FAM241A: variants seen among roughly 807,000 people sequenced by gnomAD.
FAM241A encodes the protein uncharacterized protein FAM241A.
FAM241A carries 7 observed loss-of-function variants against 12.2 expected under a neutral mutation model. The ratio of observed to expected loss-of-function variants is 0.58; its 90% confidence interval spans 0.33 to 1.08. The LOEUF is 1.08. FAM241A is among the 50% of genes least tolerant of loss of function. The pLI is 0.04. For missense variants in FAM241A, 161 were observed against 169.7 expected (o/e 0.95, Z 0.29); for synonymous variants, 74 against 68.2 (o/e 1.08, Z -0.42).
rs2110438124 is a variant in FAM241A at position 112,189,576 on chromosome 4, AG to A, written c.*2639del. ...TCTACAAATAAACAGACTGTAGATG[AG>A]TAAATCCATTTTTCTTAAAGTAAAA... On this transcript the variant is annotated 3_prime_UTR_variant, in exon 2 of 2. Transcript: ENST00000309733. 1 of 152,298 alleles carries A rather than the reference AG, an allele frequency of 6.6e-6. No homozygotes were observed. The highest frequency in any genetic ancestry group is 1.9e-4 in the East Asian group (1 of 5,190). The allele number at this position is 152,298 out of a possible 1,614,324, so 9.4% of individuals were successfully genotyped here.
intron 1 of FAM241A, among the ~76,000 whole-genome samples, chr4:112,183,022 C>T (rs1357935199): frequency 6.6e-6 from 1 of 151,012 alleles, no homozygotes; most frequent in Non-Finnish European, 1.5e-5. Flanking sequence ...AAATGTCTTC[C>T]TTTAGGGTTG....
At chr4:112,166,345 TTTTTTTAAATG>T (rs1224329948) in intron 1 of FAM241A, among the ~76,000 whole-genome samples, 1 of 151,928 alleles carries the variant, frequency 6.6e-6, no homozygotes, top group Non-Finnish European at 1.5e-5. Context: ...GCTGGGAAAA[TTTTTTTAAATG>T]TTTTTTAAAA....
intron 1 of FAM241A, among the ~76,000 whole-genome samples, chr4:112,179,943 A>ATGTGTGTGTG (rs35177969): frequency 7.7e-6 from 1 of 129,514 alleles, no homozygotes; most frequent in Non-Finnish European, 1.6e-5. Flanking sequence ...ATATATGTAT[A>ATGTGTGTGTG]TGTGTGTGTG....
At chr4:112,151,253 T>G (rs943619655) in intron 1 of FAM241A, among the ~76,000 whole-genome samples, 1 of 152,110 alleles carries the variant, frequency 6.6e-6, no homozygotes, top group Non-Finnish European at 1.5e-5. Context: ...CTCTCTCTCC[T>G]TCCCTCCCTC....
intron 1 of FAM241A, among the ~76,000 whole-genome samples, chr4:112,152,705 A>C (rs1322962557): frequency 6.6e-6 from 1 of 151,580 alleles, no homozygotes; most frequent in Non-Finnish European, 1.5e-5. Flanking sequence ...ATCTTCCCCT[A>C]CCTCTTCCAC....
intron 1 of FAM241A, among the ~76,000 whole-genome samples, chr4:112,160,091 C>G (rs1437337930): frequency 6.6e-6 from 1 of 152,072 alleles, no homozygotes; most frequent in African/African-American, 2.4e-5. Context: ...TAATACAAAA[C>G]CAACACACAA....
chr4:112,147,122 T>G (rs1045073424), intron 1 of FAM241A, among the ~76,000 whole-genome samples: 3 of 152,378 alleles, frequency 2.0e-5, no homozygotes, highest in Admixed American at 1.3e-4. Flanking sequence ...TTCTGTGTAC[T>G]TCATTAGTAT....
Position 112,192,651 on chromosome 4 carries a change from C to T in FAM241A, c.*5713C>T, listed in dbSNP as rs546182937. The T allele has an allele frequency of 4.0e-4, 60 of 151,658 alleles. No homozygotes were observed. Among genetic ancestry groups the T allele is most frequent in the African/African-American group, 1.3e-3 (53 of 41,218 alleles). The allele number at this position is 151,658 out of a possible 1,614,324, so 9.4% of individuals were successfully genotyped here. On this transcript the variant is annotated 3_prime_UTR_variant, in exon 2 of 2. Transcript: ENST00000309733. ...TGAGAATGATGATTTCCAATTTCAT[C>T]CATGTCCCTACAAAGGACATGAACT...
intron 1 of FAM241A, among the ~76,000 whole-genome samples, chr4:112,175,418 A>G (rs1180671344): frequency 6.6e-6 from 1 of 152,166 alleles, no homozygotes; most frequent in African/African-American, 2.4e-5. Flanking sequence ...TTGCAGTAAA[A>G]GTCTTGGCTA....
chr4:112,166,059 T>G (rs1723588425), intron 1 of FAM241A, among the ~76,000 whole-genome samples: 1 of 151,162 alleles, frequency 6.6e-6, no homozygotes, highest in Non-Finnish European at 1.5e-5. Flanking sequence ...TTTTTTTTTT[T>G]TTTTTGAGAC....
intron 1 of FAM241A, among the ~76,000 whole-genome samples, chr4:112,180,293 C>G (rs1220762441): frequency 6.6e-6 from 1 of 152,046 alleles, no homozygotes; most frequent in Non-Finnish European, 1.5e-5. Context: ...TACCCCAAAC[C>G]TCAGCATCAT....
intron 1 of FAM241A, among the ~76,000 whole-genome samples, chr4:112,169,688 A>G (rs1365595305): frequency 6.6e-6 from 1 of 152,208 alleles, no homozygotes; most frequent in Non-Finnish European, 1.5e-5. Context: ...AAACAGGGAA[A>G]TTGGAGACTG....
intron 1 of FAM241A, among the ~76,000 whole-genome samples, chr4:112,175,865 G>A (rs930560006): frequency 6.6e-6 from 1 of 152,136 alleles, no homozygotes; most frequent in Non-Finnish European, 1.5e-5. Flanking sequence ...AGCAGGTAAA[G>A]TATGGTTTCC....
chr4:112,172,854 T>C (rs1011932890), intron 1 of FAM241A, among the ~76,000 whole-genome samples: 1 of 152,170 alleles, frequency 6.6e-6, no homozygotes, highest in Non-Finnish European at 1.5e-5. Flanking sequence ...AATATGTTTA[T>C]TTATTTGCTG....
chr4:112,155,058 A>G (rs113433378), intron 1 of FAM241A, among the ~76,000 whole-genome samples: 13 of 152,234 alleles, frequency 8.5e-5, no homozygotes, highest in African/African-American at 3.1e-4. Flanking sequence ...CCCGCCACAA[A>G]AAAAGAGGCT....
chr4:112,173,811 A>G (rs1723770636), intron 1 of FAM241A, among the ~76,000 whole-genome samples: 1 of 152,212 alleles, frequency 6.6e-6, no homozygotes, highest in Non-Finnish European at 1.5e-5. Context: ...CTCACAGTTC[A>G]CCATCAAAAG....
chr4:112,189,082 C>G lies in FAM241A; in HGVS notation c.*2144C>G, dbSNP rs1724105238. ...AATAAAACTGGTAATTTATTTGGTT[C>G]ATGGTATAAAGAATTAGATTGGGCC... On this transcript the variant is annotated 3_prime_UTR_variant, in exon 2 of 2. Coordinates refer to ENST00000309733, the MANE Select transcript of FAM241A (RefSeq NM_152400.3). 1 of 151,900 alleles carries G rather than the reference C, an allele frequency of 6.6e-6. No individual in the cohort carries two copies. Among genetic ancestry groups the G allele is most frequent in the Non-Finnish European group, 1.5e-5 (1 of 67,980 alleles). 9.4% of individuals were successfully genotyped at this position (151,900 alleles called of 1,614,324 possible).
intron 1 of FAM241A, among the ~76,000 whole-genome samples, chr4:112,174,174 G>C (rs1723776535): frequency 6.6e-6 from 1 of 152,152 alleles, no homozygotes; most frequent in Non-Finnish European, 1.5e-5. Context: ...CTCTAAGCGA[G>C]GCACAGCAAG....
intron 1 of FAM241A, among the ~76,000 whole-genome samples, chr4:112,155,799 A>G (rs1422711125): frequency 6.6e-6 from 1 of 152,166 alleles, no homozygotes; most frequent in African/African-American, 2.4e-5. Flanking sequence ...AAAATACTAT[A>G]TTTGGCTATA....
Sources: gnomAD v4.1 joint callset for allele counts (sites outside exome capture counted in the v4.1 genomes callset) on GRCh38, gnomAD v4.1.1 for gene constraint, MANE v1.5 for transcripts, NCBI Gene and HGNC (gene_info 2026-07-23, HGNC 2026-07-21) for gene names.